Variants in APC observed in about 807,000 individuals in gnomAD.
APC encodes APC regulator of Wnt signaling pathway.
APC carries 72 observed loss-of-function variants against 247.0 expected under a neutral mutation model. The observed-to-expected ratio is 0.29, with a 90% CI of 0.24 to 0.35. APC has a LOEUF of 0.35. APC is among the 10% of genes least tolerant of loss of function. The probability of loss-of-function intolerance (pLI) is 1.00; values close to 1 mark genes in which losing one functional copy is unlikely to be tolerated. For missense variants in APC, 3,400 were observed against 3,360.7 expected (o/e 1.01, Z -0.29); for synonymous variants, 1,254 against 1,162.5 (o/e 1.08, Z -1.60).
chr5:112,817,888 C>T (rs1385391262), intron 9 of APC, among the ~76,000 whole-genome samples: 3 of 152,242 alleles, frequency 2.0e-5, no homozygotes, highest in Middle Eastern at 3.4e-3. Flanking sequence ...AACCTAGCTC[C>T]GATGAAAACC....
rs2304792 is a variant in APC, at chr5:112,767,038, G to C, written c.221-151G>C. 3,788 of 710,784 alleles carry C rather than the reference G, an allele frequency of 5.3e-3. 73 individuals carry two copies. The highest frequency in any genetic ancestry group is 0.051 in the East Asian group (1,859 of 36,418). 44.0% of individuals were successfully genotyped at this position (710,784 alleles called of 1,614,324 possible). On this transcript the variant is annotated intron_variant, in intron 3 of 15. Transcript: ENST00000257430. ...TACCCTGACCCAAGTGGACTTTTCA[G>C]GGAAAGTCCTAAATAATTTTTGTTT...
In APC at chr5:112,839,399, A is replaced by T. The variant is rs2149899378; in HGVS notation, c.3805A>T (p.Ile1269Leu). 1 of 1,614,192 alleles carries T rather than the reference A, an allele frequency of 6.2e-7. No homozygotes were observed. The highest frequency in any genetic ancestry group is 8.5e-7 in the Non-Finnish European group (1 of 1,180,012). Residue 1269 changes from isoleucine to leucine, a missense_variant, in exon 16 of 16, where the codon ATA becomes TTA. Physicochemically the swap from Ile to Leu is conservative, Grantham distance 5. Transcript: ENST00000257430. The surrounding 1 kb of genome is among the most constrained non-coding windows in gnomAD (Gnocchi z 5.0). ...IQTYCVEDTP[I>L]CFSRCSSLSS... The stretch of plus-strand genomic sequence containing the variant: ...GACTTATTGTGTAGAAGATACTCCA[A>T]TATGTTTTTCAAGATGTAGTTCATT...
intron 11 of APC, among the ~76,000 whole-genome samples, chr5:112,826,596 A>C (rs985491968): frequency 1.4e-4 from 18 of 124,364 alleles, no homozygotes; most frequent in Non-Finnish European, 2.5e-4. Flanking sequence ...TAAAAAAAAA[A>C]AAAAACAAAA....
Position 112,791,294 on chromosome 5 carries a change from T to C in APC, c.646-1152T>C, listed in dbSNP as rs1313612280. On this transcript the variant is annotated intron_variant, in intron 6 of 15. Coordinates refer to ENST00000257430, the MANE Select transcript of APC (RefSeq NM_000038.6). ...AGCTCTATCCTCTTTATGATCCTAG[T>C]GTTGGAGAAAAAATAATGTTTAGCC... Among the ~76,000 whole-genome samples the C allele has an allele frequency of 4.6e-5, 7 of 152,148 alleles. 1 individual carries two copies. In the South Asian group the frequency reaches 1.1e-3, roughly 23 times the overall value.
intron 8 of APC, among the ~76,000 whole-genome samples, chr5:112,807,187 C>A (rs1761510908): frequency 6.6e-6 from 1 of 150,954 alleles, no homozygotes; most frequent in Non-Finnish European, 1.5e-5. Flanking sequence ...CAGGCGTGCA[C>A]CACCATGCCC....
intron 5 of APC, chr5:112,777,557 C>A: frequency 6.1e-6 from 1 of 163,938 alleles, no homozygotes. Context: ...ACAAACATAC[C>A]AAACTTGATT....
chr5:112,787,782 C>G (rs1759131664), intron 6 of APC, among the ~76,000 whole-genome samples: 1 of 152,140 alleles, frequency 6.6e-6, no homozygotes, highest in African/African-American at 2.4e-5. Flanking sequence ...TATGATAGAG[C>G]TAAATTAGTT....
intron 8 of APC, among the ~76,000 whole-genome samples, chr5:112,814,744 T>C (rs1436364146): frequency 1.3e-5 from 2 of 152,206 alleles, no homozygotes; most frequent in Non-Finnish European, 2.9e-5. Context: ...GCAACATCTT[T>C]GAAATGACAT....
At chr5:112,776,479 A>G (rs1007101044) in intron 5 of APC, among the ~76,000 whole-genome samples, 3 of 152,342 alleles carry the variant, frequency 2.0e-5, no homozygotes, top group Non-Finnish European at 4.4e-5. Context: ...TCCATGAGCC[A>G]AGTCTTAGAT....
chr5:112,788,904 G>GT (rs1399570223), intron 6 of APC, among the ~76,000 whole-genome samples: 1 of 151,988 alleles, frequency 6.6e-6, no homozygotes, highest in African/African-American at 2.4e-5. Flanking sequence ...TCCTTACAGC[G>GT]TTTTTTCTTT....
intron 2 of APC, among the ~76,000 whole-genome samples, chr5:112,763,706 C>A (rs1375083613): frequency 6.6e-6 from 1 of 152,088 alleles, no homozygotes; most frequent in Non-Finnish European, 1.5e-5. Context: ...TATGACACAA[C>A]AAGTAAAAAA....
chr5:112,719,610 C>T (rs1751371939), intron 1 of APC, among the ~76,000 whole-genome samples: 1 of 151,348 alleles, frequency 6.6e-6, no homozygotes, highest in African/African-American at 2.4e-5. Flanking sequence ...TCTCCACTCA[C>T]TGCAACCTCC....
At chr5:112,752,002 A>G (rs1754433966) in intron 1 of APC, among the ~76,000 whole-genome samples, 1 of 152,142 alleles carries the variant, frequency 6.6e-6, no homozygotes, top group South Asian at 2.1e-4. Context: ...CATATCTATT[A>G]TGTTAAATGA....
chr5:112,742,456 T>C (rs1753149132), intron 1 of APC, among the ~76,000 whole-genome samples: 1 of 152,352 alleles, frequency 6.6e-6, no homozygotes, highest in Admixed American at 6.5e-5. Context: ...AGTTGGATGG[T>C]CTGACTGAGG....
At chr5:112,834,905 C>G (rs2149840306) in intron 14 of APC, 46 bp from the exon 15 acceptor site, 2 of 1,543,764 alleles carry the variant, frequency 1.3e-6, no homozygotes, top group Non-Finnish European at 1.8e-6. Context: ...TAATGAGAGA[C>G]AAATTCCAAC....
rs2149906254 is a variant in APC at position 112,839,687 on chromosome 5, G to A, written c.4093G>A (p.Gly1365Ser). Residue 1365 changes from glycine (G) to serine (S), a missense_variant, in exon 16 of 16, where the codon GGT becomes AGT. By Grantham distance (56) the Gly-to-Ser change is moderately conservative. Coordinates refer to ENST00000257430, the MANE Select transcript of APC (RefSeq NM_000038.6). This position sits in a 1 kb window ranked among gnomAD's most constrained non-coding sequence, Gnocchi z 5.0. ...SSGAKSPSKS[G>S]AQTPKSPPEH... is the part of the protein sequence containing the mutation. The stretch of plus-strand genomic sequence containing the variant: ...AGGAGCGAAATCTCCCTCCAAAAGT[G>A]GTGCTCAGACACCCAAAAGTCCACC... 1 of 1,614,050 alleles carries A rather than the reference G, an allele frequency of 6.2e-7. No individual in the cohort carries two copies. Among genetic ancestry groups the A allele is most frequent in the Non-Finnish European group, 8.5e-7 (1 of 1,179,988 alleles).
chr5:112,760,192 C>T (rs1755497364), intron 2 of APC, among the ~76,000 whole-genome samples: 1 of 152,100 alleles, frequency 6.6e-6, no homozygotes, highest in African/African-American at 2.4e-5. Flanking sequence ...TGAGGACTTT[C>T]TGCAGGACTA....
chr5:112,729,499 C>T (rs946037770), intron 1 of APC, among the ~76,000 whole-genome samples: 12 of 152,084 alleles, frequency 7.9e-5, no homozygotes, highest in African/African-American at 2.9e-4. Context: ...TGAGGCTGAA[C>T]GAAAGGTAGT....
chr5:112,724,862 G>C (rs1191077151), intron 1 of APC, among the ~76,000 whole-genome samples: 1 of 152,180 alleles, frequency 6.6e-6, no homozygotes, highest in East Asian at 1.9e-4. Flanking sequence ...GGCCATAAAG[G>C]ACCTTACATA....
Sources: allele counts gnomAD v4.1 joint callset (sites outside exome capture counted in the v4.1 genomes callset), GRCh38; gene constraint gnomAD v4.1.1; non-coding constraint Gnocchi (gnomAD v3.1); transcripts MANE v1.5; gene names NCBI Gene and HGNC (gene_info 2026-07-23, HGNC 2026-07-21).